CCDC170: variants seen among roughly 807,000 people sequenced by gnomAD.
CCDC170 encodes the protein coiled-coil domain containing 170.
A neutral mutation model predicts 72.6 loss-of-function variants in CCDC170; 69 were observed. That is an observed-to-expected ratio of 0.95 (90% CI 0.78 to 1.16). The LOEUF is 1.16. Ranked by LOEUF, CCDC170 falls within the 50% of genes most tolerant of loss-of-function variation. The pLI is 0.00. For missense variants in CCDC170, 852 were observed against 832.5 expected (o/e 1.02, Z -0.29); for synonymous variants, 300 against 303.9 (o/e 0.99, Z 0.13).
chr6:151,617,805 A>C, intron 10 of CCDC170, 142 bp from the exon 11 acceptor site: 1 of 673,436 alleles, frequency 1.5e-6, no homozygotes, highest in East Asian at 2.7e-5. Flanking sequence ...TTTATAAGTG[A>C]GAGAACTAGG....
intron 5 of CCDC170, among the ~76,000 whole-genome samples, chr6:151,561,028 T>C (rs1783068787): frequency 6.6e-6 from 1 of 152,092 alleles, no homozygotes; most frequent in Non-Finnish European, 1.5e-5. Context: ...TGTAGTCTTT[T>C]TTTAAAGTAA....
At chr6:151,567,628 G>A (rs186779249) in intron 5 of CCDC170, among the ~76,000 whole-genome samples, 2 of 152,270 alleles carry the variant, frequency 1.3e-5, no homozygotes, top group East Asian at 3.9e-4. Context: ...TAAATATGAT[G>A]AAATTCTTTT....
In CCDC170 at chr6:151,607,330, T is replaced by A. The variant is rs186775366; in HGVS notation, c.1711-8113T>A. On this transcript the variant is annotated intron_variant, in intron 9 of 10. Coordinates refer to ENST00000239374, the MANE Select transcript of CCDC170 (RefSeq NM_025059.4). The stretch of plus-strand genomic sequence containing the variant: ...CTTACTCCTTTCATTTTGGTAATTG[T>A]TTTCTGGTTTTTAATATATCATTTG... Among the ~76,000 whole-genome samples, 131 of 152,316 alleles carry A rather than the reference T, an allele frequency of 8.6e-4. 1 individual carries two copies. The highest frequency in any genetic ancestry group is 2.8e-3 in the African/African-American group (117 of 41,576).
chr6:151,603,709 C>G (rs1275177507), intron 9 of CCDC170, among the ~76,000 whole-genome samples: 1 of 152,202 alleles, frequency 6.6e-6, no homozygotes, highest in African/African-American at 2.4e-5. Flanking sequence ...TTTCAACCTT[C>G]TGCTTCAGTA....
intron 7 of CCDC170, among the ~76,000 whole-genome samples, chr6:151,589,723 C>G (rs1019854222): frequency 4.6e-5 from 7 of 152,110 alleles, no homozygotes; most frequent in African/African-American, 1.7e-4. Context: ...AAAGGTATGC[C>G]TAATCTTATC....
At chr6:151,614,510 A>G (rs1414950690) in intron 9 of CCDC170, among the ~76,000 whole-genome samples, 1 of 151,924 alleles carries the variant, frequency 6.6e-6, no homozygotes, top group East Asian at 1.9e-4. Context: ...GCTGGAGTGC[A>G]ATGGCGCAAT....
At chr6:151,539,533 C>T (rs1168315956) in intron 3 of CCDC170, among the ~76,000 whole-genome samples, 1 of 152,112 alleles carries the variant, frequency 6.6e-6, no homozygotes, top group Non-Finnish European at 1.5e-5. Context: ...TTCACTGTTT[C>T]TCCTCATCTC....
At chr6:151,577,419 A>G (rs1776318258) in intron 6 of CCDC170, among the ~76,000 whole-genome samples, 1 of 152,230 alleles carries the variant, frequency 6.6e-6, no homozygotes, top group Non-Finnish European at 1.5e-5. Flanking sequence ...GAATTTCAGG[A>G]CACCATAGCA....
intron 1 of CCDC170, among the ~76,000 whole-genome samples, chr6:151,519,140 C>T (rs1012493494): frequency 6.6e-6 from 1 of 152,132 alleles, no homozygotes; most frequent in African/African-American, 2.4e-5. Flanking sequence ...CCTGAGGGTA[C>T]TGCAAGAGAC....
intron 3 of CCDC170, among the ~76,000 whole-genome samples, chr6:151,542,501 C>T (rs904505193): frequency 1.3e-5 from 2 of 152,232 alleles, no homozygotes; most frequent in Admixed American, 6.5e-5. Flanking sequence ...GGATTACAGG[C>T]GTGAGCCACT....
intron 6 of CCDC170, among the ~76,000 whole-genome samples, chr6:151,585,548 C>T (rs928013625): frequency 1.3e-5 from 2 of 152,270 alleles, no homozygotes; most frequent in Non-Finnish European, 2.9e-5. Context: ...TAGATTTTTA[C>T]AGTACTTTTT....
chr6:151,499,629 G>A (rs1046053293), intron 1 of CCDC170, among the ~76,000 whole-genome samples: 1 of 151,462 alleles, frequency 6.6e-6, no homozygotes, highest in Admixed American at 6.6e-5. Flanking sequence ...TAGGCACGCT[G>A]CATAAGTGGA....
chr6:151,549,156 C>T (rs375065032), intron 5 of CCDC170, among the ~76,000 whole-genome samples: 2 of 152,108 alleles, frequency 1.3e-5, no homozygotes, highest in East Asian at 3.9e-4. Context: ...CTGCCCGCCT[C>T]AGCCTCCCAG....
chr6:151,596,296 C>G (rs1285486843), intron 8 of CCDC170, 39 bp from the exon 9 acceptor site: 1 of 1,552,616 alleles, frequency 6.4e-7, no homozygotes, highest in East Asian at 2.3e-5. Context: ...TACTATTGTT[C>G]AATTATTAAA....
intron 9 of CCDC170, among the ~76,000 whole-genome samples, chr6:151,597,836 C>T (rs1336796678): frequency 6.6e-6 from 1 of 152,194 alleles, no homozygotes; most frequent in African/African-American, 2.4e-5. Flanking sequence ...GTACAGTGGA[C>T]AATAACATCC....
chr6:151,497,712 A>G (rs2115014938), intron 1 of CCDC170, among the ~76,000 whole-genome samples: 1 of 151,816 alleles, frequency 6.6e-6, no homozygotes, highest in East Asian at 2.0e-4. Context: ...GCGGTGGCTC[A>G]TGCTTGTAAT....
chr6:151,560,303 T>C (rs1783056119), intron 5 of CCDC170, among the ~76,000 whole-genome samples: 1 of 152,192 alleles, frequency 6.6e-6, no homozygotes. Flanking sequence ...TCTAATTTTA[T>C]TCCACTGTGG....
Position 151,508,946 on chromosome 6 carries a change from C to T in CCDC170, c.57+14761C>T, listed in dbSNP as rs1314689009. On this transcript the variant is annotated intron_variant, in intron 1 of 10. Transcript: ENST00000239374. The stretch of plus-strand genomic sequence containing the variant: ...AAGAGAATCACTTGAACCCAGGAGG[C>T]GGAGGTTGTGGTGGGGCGAGATCAT... 8.2e-5 allele frequency among the ~76,000 whole-genome samples: 12 copies of T among 145,902 alleles called. No homozygotes were observed. In the South Asian group the frequency reaches 1.1e-3, roughly 13 times the overall value.
chr6:151,589,980 C>G (rs1776509936), intron 7 of CCDC170, among the ~76,000 whole-genome samples: 1 of 152,140 alleles, frequency 6.6e-6, no homozygotes, highest in Admixed American at 6.5e-5. Context: ...CAGCACTCGT[C>G]TGGCGTCCTC....
Sources: allele counts gnomAD v4.1 joint callset (sites outside exome capture counted in the v4.1 genomes callset), GRCh38; gene constraint gnomAD v4.1.1; transcripts MANE v1.5; gene names NCBI Gene and HGNC (gene_info 2026-07-23, HGNC 2026-07-21).